Variants in HYCC1 observed in about 807,000 individuals in gnomAD.
HYCC1 encodes hyccin.
the HYCC1 span, among the ~76,000 whole-genome samples, chr7:22,966,768 T>C: frequency 6.6e-6 from 1 of 152,202 alleles, no homozygotes; most frequent in African/African-American, 2.4e-5. Context: ...TCCCCAAGAA[T>C]GTCATTAATT....
the HYCC1 span, among the ~76,000 whole-genome samples, chr7:22,987,158 T>C: frequency 1.3e-5 from 2 of 152,226 alleles, no homozygotes; most frequent in Admixed American, 1.3e-4. Context: ...ATCTGAAAGA[T>C]AATATTTTAT....
the HYCC1 span, among the ~76,000 whole-genome samples, chr7:22,906,367 C>G: frequency 2.0e-5 from 3 of 152,202 alleles, no homozygotes; most frequent in East Asian, 5.8e-4. Flanking sequence ...CACCTGAGCT[C>G]AGGAGTTCGA....
chr7:22,985,048 AC>A, the HYCC1 span, among the ~76,000 whole-genome samples: 4 of 151,762 alleles, frequency 2.6e-5, no homozygotes, highest in African/African-American at 7.3e-5. Context: ...TCTGGAGCAC[AC>A]CCCCTCCTCA....
At chr7:23,002,177 C>CAATTATATATATAT in the HYCC1 span, among the ~76,000 whole-genome samples, 77 of 66,964 alleles carry the variant, frequency 1.1e-3, 2 homozygotes, top group African/African-American at 3.3e-3. Context: ...TATATATATA[C>CAATTATATATATAT]ATATAGTTTG....
At chr7:22,949,612 G>A in the HYCC1 span, among the ~76,000 whole-genome samples, 1 of 151,928 alleles carries the variant, frequency 6.6e-6, no homozygotes, top group Non-Finnish European at 1.5e-5. Context: ...AATTTTTTAA[G>A]AGATGCCAAT....
At chr7:22,957,235 A>C in the HYCC1 span, among the ~76,000 whole-genome samples, 1 of 151,596 alleles carries the variant, frequency 6.6e-6, no homozygotes, top group Non-Finnish European at 1.5e-5. Context: ...GGTGACTCAG[A>C]TATGCAAACA....
At chr7:22,986,680 T>C in the HYCC1 span, among the ~76,000 whole-genome samples, 1 of 152,164 alleles carries the variant, frequency 6.6e-6, no homozygotes, top group African/African-American at 2.4e-5. Flanking sequence ...ACCCCGTCTT[T>C]AGTAAAAATA....
the HYCC1 span, among the ~76,000 whole-genome samples, chr7:22,912,872 C>A: frequency 2.6e-5 from 4 of 152,176 alleles, no homozygotes; most frequent in Non-Finnish European, 5.9e-5. Flanking sequence ...GTGGCTCACA[C>A]CTGTAATCCC....
the HYCC1 span, among the ~76,000 whole-genome samples, chr7:22,957,340 C>T: frequency 1.1e-4 from 16 of 149,146 alleles, no homozygotes; most frequent in Admixed American, 8.7e-4. Context: ...TTTTACTTGG[C>T]GTCTTCCATG....
the HYCC1 span, chr7:22,961,310 T>C: frequency 6.4e-7 from 1 of 1,572,202 alleles, no homozygotes. Context: ...CTAGATCCCA[T>C]TCTCCATTAT....
the HYCC1 span, among the ~76,000 whole-genome samples, chr7:22,957,171 A>C: frequency 6.6e-6 from 1 of 151,946 alleles, no homozygotes; most frequent in Non-Finnish European, 1.5e-5. Flanking sequence ...AAAGAGAATA[A>C]ATATCCATTA....
At chr7:22,932,262 C>T in the HYCC1 span, among the ~76,000 whole-genome samples, 58,135 of 151,818 alleles carry the variant, frequency 0.38, 11,348 homozygotes, top group Non-Finnish European at 0.42. Context: ...AGGAACACTG[C>T]CAGCCTGTAC....
the HYCC1 span, among the ~76,000 whole-genome samples, chr7:22,904,586 C>A: frequency 0.63 from 95,984 of 151,712 alleles, 30,342 homozygotes; most frequent in Admixed American, 0.66. Flanking sequence ...ATATTTTATA[C>A]AAGTCACCAT....
At chr7:22,960,527 C>T in the HYCC1 span, 3 of 836,884 alleles carry the variant, frequency 3.6e-6, no homozygotes, top group Non-Finnish European at 6.0e-6. Context: ...AGGCTCTTCC[C>T]AAGCATTTTA....
At chr7:22,958,743 C>T in the HYCC1 span, among the ~76,000 whole-genome samples, 1 of 152,100 alleles carries the variant, frequency 6.6e-6, no homozygotes, top group Non-Finnish European at 1.5e-5. Flanking sequence ...TACTCTCTCT[C>T]ATATACACAC....
chr7:22,956,516 C>T, the HYCC1 span, among the ~76,000 whole-genome samples: 6 of 150,316 alleles, frequency 4.0e-5, no homozygotes, highest in South Asian at 1.3e-3. Flanking sequence ...AGCAAACACA[C>T]CATTAGTTGT....
the HYCC1 span, chr7:22,976,182 T>C: frequency 2.3e-6 from 3 of 1,323,766 alleles, no homozygotes; most frequent in Non-Finnish European, 3.3e-6. Context: ...TATATTTCAA[T>C]ATTAGAAGCA....
the HYCC1 span, among the ~76,000 whole-genome samples, chr7:23,011,351 G>A: frequency 3.9e-5 from 6 of 151,906 alleles, no homozygotes; most frequent in Admixed American, 3.3e-4. Flanking sequence ...CTATATCTTC[G>A]CCTGAAGTTC....
the HYCC1 span, among the ~76,000 whole-genome samples, chr7:22,899,516 G>A: frequency 6.6e-6 from 1 of 152,318 alleles, no homozygotes; most frequent in East Asian, 1.9e-4. Context: ...GCAGAAAATA[G>A]TCTCTGCCTT....
Sources: allele counts gnomAD v4.1 joint callset (sites outside exome capture counted in the v4.1 genomes callset), GRCh38; gene constraint gnomAD v4.1.1; transcripts MANE v1.5; gene names NCBI Gene and HGNC (gene_info 2026-07-23, HGNC 2026-07-21).